Variants in UBA52 observed in about 807,000 individuals in gnomAD.
UBA52 encodes ubiquitin A-52 residue ribosomal protein fusion product 1.
UBA52 carries 1 observed loss-of-function variant against 15.3 expected under a neutral mutation model. That is an observed-to-expected ratio of 0.07 (90% CI 0.02 to 0.31). UBA52 has a LOEUF of 0.31. Among genes scored for constraint, UBA52 ranks in the 10% least tolerant of loss-of-function variants. The pLI, the probability that UBA52 is intolerant of heterozygous loss-of-function variation, is 1.00. For synonymous variants in UBA52, 50 were observed against 58.3 expected (o/e 0.86, Z 0.65); for missense variants, 87 against 168.0 (o/e 0.52, Z 2.66).
upstream of UBA52, chr19:18,568,891 G>C (rs949893792): frequency 7.9e-6 from 4 of 506,418 alleles, no homozygotes; most frequent in Admixed American, 7.2e-5. Flanking sequence ...AGCTGGAGTC[G>C]TGGGGCTGGG....
At chr19:18,565,172 C>T in the UBA52 span, 2 of 1,428,044 alleles carry the variant, frequency 1.4e-6, no homozygotes, top group South Asian at 1.5e-5. Flanking sequence ...CAATTCCAAC[C>T]CTGGGATAAA....
upstream of UBA52, chr19:18,569,529 C>T (rs922641385): frequency 6.6e-6 from 1 of 151,996 alleles, no homozygotes; most frequent in Admixed American, 6.6e-5. Flanking sequence ...TTTTGGAACC[C>T]CCCCTGGTGG....
At chr19:18,567,503 C>T (rs1419274730), upstream of UBA52, among the ~76,000 whole-genome samples, 2 of 152,214 alleles carry the variant, frequency 1.3e-5, no homozygotes, top group African/African-American at 4.8e-5. Context: ...GCCCCGACAT[C>T]GTCTCGCCTT....
upstream of UBA52, chr19:18,568,769 C>G (rs1176163174): frequency 1.7e-5 from 11 of 651,654 alleles, no homozygotes; most frequent in African/African-American, 1.1e-4. Context: ...GGACAAGGCT[C>G]TCTCCCGAGG....
chr19:18,571,741 T>TCCAAGATGGCGGCAGGGCGGGGC (rs1975486915), upstream of UBA52: 3 of 152,240 alleles, frequency 2.0e-5, no homozygotes, highest in African/African-American at 7.2e-5. Flanking sequence ...TTCGCCAGCA[T>TCCAAGATGGCGGCAGGGCGGGGC]CCAAGATGGC....
At position 18,575,786 on chromosome 19, in the gene UBA52, G is replaced by T. The variant is rs147550993; in HGVS notation, c.*636G>T. On this transcript the variant is annotated 3_prime_UTR_variant, in exon 5 of 5. Transcript: ENST00000442744. ...TTTTGAGACGGAGTCTTGCTCTGTCGCCCAGGCTGGAGTGCAGTGGCGCAG... is the reference window on the plus strand; with the variant it reads ...TTTTGAGACGGAGTCTTGCTCTGTCTCCCAGGCTGGAGTGCAGTGGCGCAG... 1.2e-3 allele frequency: 193 copies of T among 155,292 alleles called. No individual in the cohort carries two copies. Among genetic ancestry groups the T allele is most frequent in the African/African-American group, 4.1e-3 (169 of 41,550 alleles). The allele number at this position is 155,292 out of a possible 1,614,324, so 9.6% of individuals were successfully genotyped here.
In UBA52 at chr19:18,573,656, C is replaced by T. The variant is rs773272762; in HGVS notation, c.104-6C>T. ...GAGCCTCTAACTGAGCCTCCCTCCC[C>T]CTCAGGTATCCCACCTGACCAGCAG... On this transcript the variant is annotated splice_region_variant and splice_polypyrimidine_tract_variant and intron_variant, in intron 2 of 4. Coordinates refer to ENST00000442744, the MANE Select transcript of UBA52 (RefSeq NM_001033930.3). The T allele has an allele frequency of 6.2e-7, 1 of 1,613,898 alleles. No homozygotes were observed. Among genetic ancestry groups the T allele is most frequent in the African/African-American group, 1.3e-5 (1 of 75,034 alleles).
chr19:18,565,316 G>A, the UBA52 span: 20 of 572,562 alleles, frequency 3.5e-5, no homozygotes, highest in Middle Eastern at 4.9e-4. Flanking sequence ...TGCAAGCTCC[G>A]CTTCCCGGGC....
At chr19:18,567,384 GC>G, upstream of UBA52, 1 of 649,408 alleles carries the variant, frequency 1.5e-6, no homozygotes, top group Non-Finnish European at 2.8e-6. Flanking sequence ...GGGAGTCCGT[GC>G]CCCGTGGGGA....
chr19:18,570,968 G>A (rs572131773), upstream of UBA52, among the ~76,000 whole-genome samples: 38 of 150,782 alleles, frequency 2.5e-4, no homozygotes, highest in South Asian at 4.9e-3. Flanking sequence ...GTGAGTCACC[G>A]GACCCAGGTC....
chr19:18,567,760 C>T (rs895061371), upstream of UBA52, among the ~76,000 whole-genome samples: 3 of 152,196 alleles, frequency 2.0e-5, no homozygotes, highest in African/African-American at 7.2e-5. Flanking sequence ...AAAAGGCCGA[C>T]AGCTCTCCAT....
Position 18,575,096 on chromosome 19 carries a change from C to CAAG in UBA52, c.340_342dup (p.Lys114dup). 4 of 1,614,228 alleles carry CAAG rather than the reference C, an allele frequency of 2.5e-6. No individual in the cohort carries two copies. The highest frequency in any genetic ancestry group is 3.4e-6 in the Non-Finnish European group (4 of 1,180,048). ...TTCACCCTCGTGCTGTCAACTGCCGCAAGAAGAAGTGTGGTCACACCAACA... is the reference window on the plus strand; with the variant it reads ...TTCACCCTCGTGCTGTCAACTGCCGCAAGAAGAAGAAGTGTGGTCACACCAACA... On this transcript the variant is annotated inframe_insertion, in exon 5 of 5. Transcript: ENST00000442744.
upstream of UBA52, chr19:18,568,941 C>CCTG: frequency 2.5e-6 from 1 of 396,404 alleles, no homozygotes; most frequent in Non-Finnish European, 4.6e-6. Flanking sequence ...GACGTCTGCT[C>CCTG]TGAAGAATGC....
upstream of UBA52, chr19:18,568,617 A>G: frequency 1.2e-6 from 2 of 1,610,378 alleles, no homozygotes; most frequent in Non-Finnish European, 1.7e-6. Flanking sequence ...TGACGAGGAG[A>G]TGACGGGCGA....
chr19:18,571,640 G>A (rs545872648), upstream of UBA52: 1 of 152,430 alleles, frequency 6.6e-6, no homozygotes, highest in East Asian at 1.9e-4. Flanking sequence ...GCAAACACGG[G>A]GAGAGGTGCA....
intron 1 of UBA52, 22 bp from the exon 2 acceptor site, chr19:18,573,271 C>G (rs1245329401): frequency 1.2e-6 from 2 of 1,609,736 alleles, no homozygotes; most frequent in Non-Finnish European, 1.7e-6. Context: ...ACCAGTCTAT[C>G]CTGCCTCCCT....
At position 18,577,417 on chromosome 19, in the gene UBA52, T is replaced by C. The variant is rs1180350889; in HGVS notation, c.*2267T>C. ...CCCTTCTGGGTCCCCTTCCAGCATGTGGAAGCTTTCCTTTCGCTTCATTCA... is the reference window on the plus strand; with the variant it reads ...CCCTTCTGGGTCCCCTTCCAGCATGCGGAAGCTTTCCTTTCGCTTCATTCA... On this transcript the variant is annotated 3_prime_UTR_variant, in exon 5 of 5. Transcript: ENST00000442744. 4.6e-5 allele frequency: 7 copies of C among 152,130 alleles called. No individual in the cohort carries two copies. Among genetic ancestry groups the C allele is most frequent in the Admixed American group, 4.6e-4 (7 of 15,268 alleles). 9.4% of individuals were successfully genotyped at this position (152,130 alleles called of 1,614,324 possible).
At chr19:18,572,753 T>C in intron 1 of UBA52, 2 of 992,050 alleles carry the variant, frequency 2.0e-6, no homozygotes, top group Non-Finnish European at 2.4e-6. Flanking sequence ...AGTTTTGGTG[T>C]AATTGAGAAG....
At chr19:18,564,922 C>T in the UBA52 span, 3 of 1,613,598 alleles carry the variant, frequency 1.9e-6, no homozygotes, top group African/African-American at 4.0e-5. Flanking sequence ...AACAACCTGT[C>T]CAGTGCCCGC....
Sources: gnomAD v4.1 joint callset for allele counts (sites outside exome capture counted in the v4.1 genomes callset) on GRCh38, gnomAD v4.1.1 for gene constraint, MANE v1.5 for transcripts, NCBI Gene and HGNC (gene_info 2026-07-23, HGNC 2026-07-21) for gene names.